The following TMEM192 variants were observed in gnomAD, a reference collection of about 807,000 sequenced individuals.
TMEM192 encodes the protein transmembrane protein 192.
Under a neutral mutation model 26.7 loss-of-function variants are expected in TMEM192, and 20 were observed. The ratio of observed to expected loss-of-function variants is 0.75; its 90% confidence interval spans 0.53 to 1.09. The LOEUF is 1.09. Among genes scored for constraint, TMEM192 ranks in the 50% least tolerant of loss-of-function variants. TMEM192 has a pLI of 0.00. For synonymous variants in TMEM192, 124 were observed against 121.0 expected, an observed-to-expected ratio of 1.02 and a Z score of -0.16; for missense variants, 304 against 322.6, an observed-to-expected ratio of 0.94 and a Z score of 0.44.
intron 4 of TMEM192, among the ~76,000 whole-genome samples, chr4:165,087,250 A>G (rs1314156573): frequency 1.3e-5 from 2 of 152,234 alleles, no homozygotes; most frequent in East Asian, 3.8e-4. Flanking sequence ...GTTGGCAGGA[A>G]TAAGAAATAT....
chr4:165,109,655 G>A (rs1735248477), intron 1 of TMEM192, among the ~76,000 whole-genome samples: 1 of 152,162 alleles, frequency 6.6e-6, no homozygotes, highest in Non-Finnish European at 1.5e-5. Context: ...GTGAGCCACC[G>A]CACCTGGCCA....
chr4:165,099,487 A>C (rs1028181383), intron 3 of TMEM192, among the ~76,000 whole-genome samples: 6 of 152,214 alleles, frequency 3.9e-5, no homozygotes, highest in African/African-American at 1.2e-4. Context: ...GTACTCATGC[A>C]TTCTAAGTCT....
rs1222770170 is a variant in TMEM192 at position 165,100,713 on chromosome 4, G to A, written c.354C>T (p.His118=). Residue 118 remains histidine, a synonymous_variant, in exon 3 of 6, where the codon CAC becomes CAT. Coordinates refer to ENST00000306480, the MANE Select transcript of TMEM192 (RefSeq NM_001100389.2). The part of the protein sequence containing the change: ...LLLECYIQYH[H]SKIRNRGYNL... ...TATAGCCTCGGTTTCTGATTTTGCT[G>A]TGGTGATACTGGATGTAGCATTCAA... The A allele has an allele frequency of 7.4e-6, 12 of 1,614,100 alleles. No homozygotes were observed. Among genetic ancestry groups the A allele is most frequent in the Non-Finnish European group, 1.0e-5 (12 of 1,180,034 alleles).
At chr4:165,102,903 T>G in intron 2 of TMEM192, 47 bp downstream of exon 2, 1 of 1,533,396 alleles carries the variant, frequency 6.5e-7, no homozygotes, top group Non-Finnish European at 8.8e-7. Flanking sequence ...TATATAATTT[T>G]TACAAACATC....
Position 165,086,904 on chromosome 4 carries a change from C to T in TMEM192, c.575-1216G>A, listed in dbSNP as rs181137759. On this transcript the variant is annotated intron_variant, in intron 4 of 5. Coordinates refer to ENST00000306480, the MANE Select transcript of TMEM192 (RefSeq NM_001100389.2). ...CGAGGCGGATAGATGACCTGACATC[C>T]GGAGTTTGAGACCAGCCTGGCGAAC... Among the ~76,000 whole-genome samples the T allele has an allele frequency of 3.7e-4, 57 of 152,004 alleles. 1 individual carries two copies. Among genetic ancestry groups the T allele is most frequent in the South Asian group, 1.5e-3 (7 of 4,802 alleles).
Position 165,079,663 on chromosome 4 carries a change from T to C in TMEM192, c.811A>G (p.Thr271Ala). The C allele has an allele frequency of 6.2e-7, 1 of 1,609,760 alleles. No individual in the cohort carries two copies. Among genetic ancestry groups the C allele is most frequent in the Non-Finnish European group, 8.5e-7 (1 of 1,177,836 alleles). Residue 271 changes from threonine (T) to alanine (A), a missense_variant, in exon 6 of 6, where the codon ACG becomes GCG. Coordinates refer to ENST00000306480, the MANE Select transcript of TMEM192 (RefSeq NM_001100389.2). ...CTGTCATGACCGTGAGCCTCTCACG[T>C]TCTACTTGGCTGACAGCCCAGGTCT... ...SSDLGCQPSR[T>A] is the part of the protein sequence containing the mutation.
At chr4:165,093,001 C>T (rs1734801627) in intron 3 of TMEM192, among the ~76,000 whole-genome samples, 1 of 151,602 alleles carries the variant, frequency 6.6e-6, no homozygotes, top group Non-Finnish European at 1.5e-5. Context: ...AGCCCACTCA[C>T]CCAATGACCT....
At position 165,078,563 on chromosome 4, in the gene TMEM192, C is replaced by T. The variant is rs1734441626; in HGVS notation, c.*1095G>A. ...ATTTAAAATTATAGAAGATGCCTTT[C>T]CTATAATTGAAGTTATTGATCAATT... On this transcript the variant is annotated 3_prime_UTR_variant, in exon 6 of 6. Transcript: ENST00000306480. 6.6e-6 allele frequency: 1 copy of T among 152,082 alleles called. No homozygotes were observed. Among genetic ancestry groups the T allele is most frequent in the Admixed American group, 6.6e-5 (1 of 15,262 alleles). The allele number at this position is 152,082 out of a possible 1,614,324, so 9.4% of individuals were successfully genotyped here.
In TMEM192 at chr4:165,108,342, C is replaced by T. The variant is rs537304626; in HGVS notation, c.27+4405G>A. Among the ~76,000 whole-genome samples the T allele has an allele frequency of 7.3e-4, 111 of 151,996 alleles. 1 individual carries two copies. The highest frequency in any genetic ancestry group is 2.6e-3 in the African/African-American group (109 of 41,484). On this transcript the variant is annotated intron_variant, in intron 1 of 5. Transcript: ENST00000306480. ...TCCACCATGTTAACCAGGATGGTCT[C>T]GATCTCCTGACCTCGTGATCCGCTC...
At chr4:165,103,721 T>G (rs2110791111) in intron 1 of TMEM192, among the ~76,000 whole-genome samples, 1 of 152,206 alleles carries the variant, frequency 6.6e-6, no homozygotes, top group Non-Finnish European at 1.5e-5. Context: ...GGGGTTTCTC[T>G]ATGTTGGTCA....
intron 2 of TMEM192, among the ~76,000 whole-genome samples, chr4:165,101,365 T>C (rs1735036015): frequency 6.6e-6 from 1 of 151,886 alleles, no homozygotes; most frequent in Admixed American, 6.6e-5. Flanking sequence ...TTTGTTTAAA[T>C]GTATTTTTGT....
chr4:165,093,713 C>T (rs1390065567), intron 3 of TMEM192, among the ~76,000 whole-genome samples: 3 of 152,110 alleles, frequency 2.0e-5, no homozygotes, highest in African/African-American at 7.2e-5. Flanking sequence ...TCCAGTTATA[C>T]AGTTATACAG....
chr4:165,107,787 T>C (rs977045342), intron 1 of TMEM192, among the ~76,000 whole-genome samples: 14 of 152,208 alleles, frequency 9.2e-5, no homozygotes, highest in Admixed American at 5.2e-4. Context: ...AACCGCCTTC[T>C]CTGCGGTGCC....
In TMEM192 at chr4:165,084,887, G is replaced by A. The variant is rs77006369; in HGVS notation, c.677+699C>T. On this transcript the variant is annotated intron_variant, in intron 5 of 5. Coordinates refer to ENST00000306480, the MANE Select transcript of TMEM192 (RefSeq NM_001100389.2). Reference sequence around the variant, plus strand: ...GGATAGAAACAAGGGTGGGCAGACCGGGCTGGCTGTTTGGGAGGCTGAAAT... The same window carrying A: ...GGATAGAAACAAGGGTGGGCAGACCAGGCTGGCTGTTTGGGAGGCTGAAAT... Among the ~76,000 whole-genome samples, 99 of 152,234 alleles carry A rather than the reference G, an allele frequency of 6.5e-4. No individual in the cohort carries two copies. In the East Asian group the frequency reaches 0.016, roughly 25 times the overall value.
At chr4:165,112,327 G>C (rs768092316) in intron 1 of TMEM192, among the ~76,000 whole-genome samples, 1 of 152,162 alleles carries the variant, frequency 6.6e-6, no homozygotes, top group Non-Finnish European at 1.5e-5. Context: ...TTCGCCCCCT[G>C]TGCCCCTGGG....
intron 4 of TMEM192, 34 bp downstream of exon 4, chr4:165,088,434 G>T (rs1204626489): frequency 6.3e-7 from 1 of 1,591,488 alleles, no homozygotes; most frequent in Admixed American, 1.7e-5. Context: ...GCAGTTCGAA[G>T]TTCCTATAAG....
chr4:165,094,451 A>T (rs980739974), intron 3 of TMEM192, among the ~76,000 whole-genome samples: 3 of 152,296 alleles, frequency 2.0e-5, no homozygotes, highest in Admixed American at 6.5e-5. Context: ...TGAGGTCGAA[A>T]GTTCAAGACC....
intron 3 of TMEM192, among the ~76,000 whole-genome samples, chr4:165,095,724 G>GA (rs1207860809): frequency 6.6e-6 from 1 of 151,996 alleles, no homozygotes; most frequent in African/African-American, 2.4e-5. Context: ...ATTTCAATGT[G>GA]AAAAAAGCCC....
intron 3 of TMEM192, among the ~76,000 whole-genome samples, chr4:165,093,461 A>C (rs1048574947): frequency 2.0e-5 from 3 of 152,188 alleles, no homozygotes; most frequent in Non-Finnish European, 4.4e-5. Context: ...AGAGAAATGA[A>C]AGAGTTTTCA....
Sources: allele counts gnomAD v4.1 joint callset (sites outside exome capture counted in the v4.1 genomes callset), GRCh38; gene constraint gnomAD v4.1.1; transcripts MANE v1.5; gene names NCBI Gene and HGNC (gene_info 2026-07-23, HGNC 2026-07-21).